NRXN1: variants seen among roughly 807,000 people sequenced by gnomAD.
The protein encoded by NRXN1 is neurexin 1, also known as neurexin-1.
In NRXN1, 39 loss-of-function variants were observed where a neutral mutation model predicts 150.9. The ratio of observed to expected loss-of-function variants is 0.26; its 90% CI spans 0.20 to 0.34. The LOEUF (loss-of-function observed/expected upper bound fraction) is 0.34, where lower values mean the gene tolerates loss of function less well. Among genes scored for constraint, NRXN1 ranks in the 10% least tolerant of loss-of-function variants. NRXN1 has a pLI of 1.00. For missense variants in NRXN1, 1,815 were observed against 1,949.9 expected (o/e 0.93, Z 1.30); for synonymous variants, 924 against 757.0 (o/e 1.22, Z -3.62).
At chr2:50,265,501 T>C (rs1186930773) in intron 17 of NRXN1, among the ~76,000 whole-genome samples, 1 of 152,194 alleles carries the variant, frequency 6.6e-6, no homozygotes, top group Non-Finnish European at 1.5e-5. Flanking sequence ...CATGACACTA[T>C]AAAGACCTGG....
intron 18 of NRXN1, among the ~76,000 whole-genome samples, chr2:50,186,610 G>C (rs530957597): frequency 3.0e-4 from 46 of 151,918 alleles, no homozygotes; most frequent in Non-Finnish European, 5.9e-4. Context: ...TCTTGATTTG[G>C]CCAGGTTCCT....
intron 18 of NRXN1, among the ~76,000 whole-genome samples, chr2:50,118,403 G>T (rs917843548): frequency 1.3e-5 from 2 of 151,792 alleles, no homozygotes; most frequent in African/African-American, 2.4e-5. Context: ...TAAATAATTT[G>T]AATGTAAATT....
At chr2:50,820,533 A>G (rs1323860441) in intron 5 of NRXN1, among the ~76,000 whole-genome samples, 4 of 152,272 alleles carry the variant, frequency 2.6e-5, no homozygotes, top group African/African-American at 9.6e-5. Flanking sequence ...TGAACAGATA[A>G]TATATTCACA....
rs1704937093 is a variant in NRXN1 at position 50,785,283 on chromosome 2, C to T, written c.832+136586G>A. Among the ~76,000 whole-genome samples, 4 of 116,946 alleles carry T rather than the reference C, an allele frequency of 3.4e-5. No homozygotes were observed. In the South Asian group the frequency reaches 1.1e-3, roughly 33 times the overall value. The allele number at this position is 116,946 out of a possible 152,430, so 76.7% of individuals were successfully genotyped here. On this transcript the variant is annotated intron_variant, in intron 5 of 22. Transcript: ENST00000401669. ...TTTTTTTTTGAGACGGAGTCTCATTCTGTCGCCCCCGCTGGAGTGCAGTGG... is the reference window on the plus strand; with the variant it reads ...TTTTTTTTTGAGACGGAGTCTCATTTTGTCGCCCCCGCTGGAGTGCAGTGG...
intron 17 of NRXN1, among the ~76,000 whole-genome samples, chr2:50,361,036 G>A (rs1336014336): frequency 6.6e-6 from 1 of 152,142 alleles, no homozygotes; most frequent in Non-Finnish European, 1.5e-5. Flanking sequence ...CGAAACGAAG[G>A]CAGAAATAAA....
At chr2:51,030,257 A>AAT (rs1671277248) in intron 1 of NRXN1, among the ~76,000 whole-genome samples, 2 of 151,972 alleles carry the variant, frequency 1.3e-5, no homozygotes, top group African/African-American at 4.8e-5. Flanking sequence ...CACACACTGC[A>AAT]ATATATATAC....
chr2:50,717,378 A>G (rs1696002888), intron 5 of NRXN1, among the ~76,000 whole-genome samples: 1 of 152,136 alleles, frequency 6.6e-6, no homozygotes, highest in African/African-American at 2.4e-5. Context: ...AAACACAATT[A>G]TTAATGCAGA....
rs561356904 is a variant in NRXN1, at chr2:50,251,427, T to C, written c.3365-14457A>G. Among the ~76,000 whole-genome samples the C allele has an allele frequency of 3.3e-5, 5 of 152,308 alleles. No individual in the cohort carries two copies. The South Asian group carries it at 8.3e-4, about 25-fold the overall frequency. ...TATCACATTTTCTTTATCCGGTCTA[T>C]CATTGATGGGCATTTGGAGTGGTTC... On this transcript the variant is annotated intron_variant, in intron 17 of 22. Coordinates refer to ENST00000401669, the MANE Select transcript of NRXN1 (RefSeq NM_001330078.2).
At chr2:50,978,103 ATTCT>A (rs1343548555) in intron 2 of NRXN1, among the ~76,000 whole-genome samples, 10 of 151,016 alleles carry the variant, frequency 6.6e-5, no homozygotes, top group Non-Finnish European at 1.3e-4. Flanking sequence ...CATTTTAAAT[ATTCT>A]TTAACTGTTC....
chr2:50,112,589 T>G (rs1336849710), intron 18 of NRXN1, among the ~76,000 whole-genome samples: 1 of 152,206 alleles, frequency 6.6e-6, no homozygotes, highest in East Asian at 1.9e-4. Context: ...TATTTTGAGT[T>G]GTGAACTTTT....
intron 2 of NRXN1, among the ~76,000 whole-genome samples, chr2:51,000,541 A>G (rs1454905453): frequency 1.1e-5 from 1 of 88,150 alleles, no homozygotes; most frequent in East Asian, 4.5e-4. Flanking sequence ...TATTACTATT[A>G]CCAAAAAAAA....
intron 17 of NRXN1, among the ~76,000 whole-genome samples, chr2:50,327,536 A>G (rs552494042): frequency 8.4e-4 from 128 of 152,238 alleles, no homozygotes; most frequent in African/African-American, 2.9e-3. Flanking sequence ...TTGTATTTAA[A>G]TTATATTTCA....
chr2:49,925,438 G>A (rs1341832595), intron 22 of NRXN1, among the ~76,000 whole-genome samples: 2 of 152,028 alleles, frequency 1.3e-5, no homozygotes, highest in Non-Finnish European at 2.9e-5. Flanking sequence ...TGATCACTGA[G>A]AAATCTCTGA....
At chr2:49,948,002 T>A (rs879490801) in intron 21 of NRXN1, among the ~76,000 whole-genome samples, 11 of 152,130 alleles carry the variant, frequency 7.2e-5, no homozygotes, top group Non-Finnish European at 1.3e-4. Flanking sequence ...AACTTGTACA[T>A]ATGAATTATT....
intron 17 of NRXN1, among the ~76,000 whole-genome samples, chr2:50,303,064 C>T (rs928949828): frequency 3.3e-5 from 5 of 152,132 alleles, no homozygotes; most frequent in East Asian, 1.9e-4. Context: ...GCCTAGAACA[C>T]CACGCTTGAG....
chr2:51,015,213 C>T (rs751660974), intron 2 of NRXN1, among the ~76,000 whole-genome samples: 5 of 151,990 alleles, frequency 3.3e-5, no homozygotes, highest in Non-Finnish European at 5.9e-5. Flanking sequence ...ATCACAAATA[C>T]TCTTTTTCTC....
intron 12 of NRXN1, among the ~76,000 whole-genome samples, chr2:50,515,603 GTGTGT>G (rs1558865612): frequency 1.3e-4 from 7 of 52,058 alleles, no homozygotes; most frequent in African/African-American, 4.1e-4. Flanking sequence ...TGCTTGGGGT[GTGTGT>G]GTGTGTGTGT....
chr2:50,277,788 T>C (rs941215939), intron 17 of NRXN1, among the ~76,000 whole-genome samples: 4 of 152,034 alleles, frequency 2.6e-5, no homozygotes, highest in African/African-American at 9.7e-5. Context: ...AATTTCAGGA[T>C]TGGAGCTGAA....
At chr2:50,600,094 T>C (rs573492201) in intron 8 of NRXN1, among the ~76,000 whole-genome samples, 2 of 152,038 alleles carry the variant, frequency 1.3e-5, no homozygotes, top group South Asian at 2.1e-4. Context: ...CAAGGAGAAA[T>C]GCAGAATGTC....
Sources: gnomAD v4.1 joint callset for allele counts (sites outside exome capture counted in the v4.1 genomes callset) on GRCh38, gnomAD v4.1.1 for gene constraint, MANE v1.5 for transcripts, NCBI Gene and HGNC (gene_info 2026-07-23, HGNC 2026-07-21) for gene names.